The following FRMD3 variants were observed in gnomAD, a reference collection of about 807,000 sequenced individuals.
FRMD3 encodes the protein FERM domain-containing protein 3.
In FRMD3, 33 loss-of-function variants were observed where a neutral mutation model predicts 70.2. The observed-to-expected ratio is 0.47, with a 90% CI of 0.36 to 0.63. The LOEUF is 0.63. FRMD3 is among the 20% of genes least tolerant of loss of function. The pLI is 0.00. For missense variants in FRMD3, 632 were observed against 711.4 expected (o/e 0.89, Z 1.27); for synonymous variants, 279 against 255.9 (o/e 1.09, Z -0.86).
chr9:83,313,183 CTGATA>C (rs1401923777), intron 7 of FRMD3, among the ~76,000 whole-genome samples: 1 of 152,160 alleles, frequency 6.6e-6, no homozygotes, highest in Non-Finnish European at 1.5e-5. Flanking sequence ...CCAGGAGATT[CTGATA>C]TAAGTAGTCT....
chr9:83,334,245 G>C (rs75600138), intron 6 of FRMD3, among the ~76,000 whole-genome samples: 1 of 152,122 alleles, frequency 6.6e-6, no homozygotes, highest in Non-Finnish European at 1.5e-5. Flanking sequence ...CTTCAACAAG[G>C]CTTTTCATTA....
At chr9:83,558,283 C>T in the FRMD3 span, among the ~76,000 whole-genome samples, 217 of 150,376 alleles carry the variant, frequency 1.4e-3, 1 homozygote, top group Middle Eastern at 6.8e-3. Flanking sequence ...TGTGTGCGCG[C>T]GCGCACGCAC....
At chr9:83,563,672 C>T in the FRMD3 span, among the ~76,000 whole-genome samples, 1 of 152,154 alleles carries the variant, frequency 6.6e-6, no homozygotes, top group African/African-American at 2.4e-5. Context: ...TTAACTACTC[C>T]TTGAGTCCTC....
chr9:83,343,601 C>T (rs761950957), intron 4 of FRMD3, among the ~76,000 whole-genome samples: 3 of 152,158 alleles, frequency 2.0e-5, no homozygotes, highest in Non-Finnish European at 4.4e-5. Context: ...CAGCAGCTCC[C>T]GCACGAGGAC....
chr9:83,355,940 C>T (rs548510397), intron 3 of FRMD3, among the ~76,000 whole-genome samples: 1 of 152,196 alleles, frequency 6.6e-6, no homozygotes, highest in Non-Finnish European at 1.5e-5. Context: ...CAACTGATAG[C>T]TGCCAGACAA....
At chr9:83,471,566 C>T (rs139050249) in intron 1 of FRMD3, among the ~76,000 whole-genome samples, 2 of 152,078 alleles carry the variant, frequency 1.3e-5, no homozygotes, top group South Asian at 2.1e-4. Context: ...CAGGAAAGCC[C>T]GTACTGCTCC....
At chr9:83,488,928 T>A (rs559742078) in intron 1 of FRMD3, among the ~76,000 whole-genome samples, 2 of 151,990 alleles carry the variant, frequency 1.3e-5, no homozygotes, top group East Asian at 3.9e-4. Context: ...GTCATCAGAA[T>A]GTCTCCCATT....
chr9:83,329,268 T>A (rs78782685), intron 6 of FRMD3, among the ~76,000 whole-genome samples: 4 of 152,178 alleles, frequency 2.6e-5, no homozygotes, highest in Admixed American at 2.0e-4. Context: ...ATTGATTTGA[T>A]AATCTACCAG....
chr9:83,534,230 T>C (rs552563625), intron 1 of FRMD3, among the ~76,000 whole-genome samples: 3 of 152,288 alleles, frequency 2.0e-5, no homozygotes, highest in East Asian at 3.9e-4. Context: ...TCTTCCATCC[T>C]ACCTGAACAT....
intron 1 of FRMD3, among the ~76,000 whole-genome samples, chr9:83,406,696 T>C (rs763747158): frequency 2.6e-5 from 4 of 152,210 alleles, no homozygotes; most frequent in Non-Finnish European, 4.4e-5. Context: ...CATTGGGCAA[T>C]TGACATGTTG....
At chr9:83,400,523 A>C (rs1027026103) in intron 1 of FRMD3, among the ~76,000 whole-genome samples, 2 of 152,226 alleles carry the variant, frequency 1.3e-5, no homozygotes, top group East Asian at 3.8e-4. Flanking sequence ...CCAGTGGGAT[A>C]TTGACAGTCA....
At chr9:83,450,140 T>A (rs573042495) in intron 1 of FRMD3, among the ~76,000 whole-genome samples, 9 of 152,144 alleles carry the variant, frequency 5.9e-5, no homozygotes, top group African/African-American at 1.7e-4. Flanking sequence ...GCAAGAAAAT[T>A]AGACGGCAAA....
At chr9:83,366,894 G>T (rs886922171) in intron 3 of FRMD3, among the ~76,000 whole-genome samples, 2 of 151,794 alleles carry the variant, frequency 1.3e-5, no homozygotes, top group Admixed American at 1.3e-4. Flanking sequence ...ATAGCAGGGT[G>T]TGGTAGCATG....
intron 1 of FRMD3, among the ~76,000 whole-genome samples, chr9:83,530,995 G>T (rs1351141142): frequency 6.6e-6 from 1 of 152,136 alleles, no homozygotes; most frequent in Non-Finnish European, 1.5e-5. Context: ...TGCTTCAGGG[G>T]TAAGCATGTG....
chr9:83,382,183 C>T (rs577280421), intron 2 of FRMD3, among the ~76,000 whole-genome samples: 21 of 152,062 alleles, frequency 1.4e-4, no homozygotes, highest in African/African-American at 4.6e-4. Flanking sequence ...GTAGCATTTG[C>T]TGTCATGCCA....
the FRMD3 span, among the ~76,000 whole-genome samples, chr9:83,581,973 C>T: frequency 2.6e-5 from 4 of 152,130 alleles, no homozygotes; most frequent in Admixed American, 1.3e-4. Context: ...GCGATGCTTG[C>T]GTAACTCTGT....
intron 1 of FRMD3, among the ~76,000 whole-genome samples, chr9:83,501,303 A>AC (rs984503468): frequency 5.3e-5 from 8 of 152,156 alleles, no homozygotes; most frequent in African/African-American, 1.7e-4. Context: ...CAAAAAAAAA[A>AC]ACTACACTTC....
chr9:83,443,245 C>G (rs887924596), intron 1 of FRMD3, among the ~76,000 whole-genome samples: 1 of 152,170 alleles, frequency 6.6e-6, no homozygotes, highest in African/African-American at 2.4e-5. Context: ...CACCCATTAA[C>G]TTGTCATTTA....
In FRMD3 at chr9:83,526,947, C is replaced by T. The variant is rs1829697526; in HGVS notation, c.147+11138G>A. Among the ~76,000 whole-genome samples, 4 of 149,746 alleles carry T rather than the reference C, an allele frequency of 2.7e-5. No individual in the cohort carries two copies. In the South Asian group the frequency reaches 8.4e-4, roughly 32 times the overall value. ...ATCCTGCACCTTCGGGGAGAATCAACAAAGCAAACAGCTCAGCTCCAGAGC... is the reference window on the plus strand; with the variant it reads ...ATCCTGCACCTTCGGGGAGAATCAATAAAGCAAACAGCTCAGCTCCAGAGC... On this transcript the variant is annotated intron_variant, in intron 1 of 13. Coordinates refer to ENST00000304195, the MANE Select transcript of FRMD3 (RefSeq NM_174938.6).
Sources: allele counts gnomAD v4.1 joint callset (sites outside exome capture counted in the v4.1 genomes callset), GRCh38; gene constraint gnomAD v4.1.1; transcripts MANE v1.5; gene names NCBI Gene and HGNC (gene_info 2026-07-23, HGNC 2026-07-21).